Variants in CIITA observed in about 807,000 individuals in gnomAD.
CIITA encodes MHC class II transactivator.
In CIITA, 72 loss-of-function variants were observed where a neutral mutation model predicts 115.1. The observed-to-expected ratio is 0.63, with a 90% CI of 0.52 to 0.76. CIITA has a LOEUF of 0.76. Ranked by LOEUF, CIITA falls within the 30% of genes least tolerant of loss-of-function variation. The pLI, the probability that CIITA is intolerant of heterozygous loss-of-function variation, is 0.00. For synonymous variants in CIITA, 763 were observed against 635.6 expected (o/e 1.20, Z -3.02); for missense variants, 1,617 against 1,463.8 (o/e 1.10, Z -1.71).
At position 10,929,417 on chromosome 16, in the gene CIITA, G is replaced by T. The variant is rs754908130; in HGVS notation, c.*5562G>T. On this transcript the variant is annotated 3_prime_UTR_variant, in exon 20 of 20. Transcript: ENST00000324288. This position sits in a 1 kb window ranked among gnomAD's most constrained non-coding sequence, Gnocchi z 4.3. ...TCGATTTGACACTGCAGGCAGATGA[G>T]GTCTTGGGATGCCTCTTGCGTTCCC... 1.0e-6 allele frequency: 1 copy of T among 985,874 alleles called. No individual in the cohort carries two copies. The highest frequency in any genetic ancestry group is 4.7e-5 in the South Asian group (1 of 21,286). 61.1% of individuals were successfully genotyped at this position (985,874 alleles called of 1,614,324 possible). A position where few individuals can be genotyped will look rare whatever the true frequency, so the allele number is the denominator to read the frequency against.
downstream of CIITA, chr16:10,940,580 G>T (rs547858242): frequency 6.6e-6 from 1 of 152,394 alleles, no homozygotes; most frequent in Non-Finnish European, 1.5e-5. The surrounding 1 kb of genome is among the most constrained non-coding windows in gnomAD (Gnocchi z 4.2). Context: ...GAGCCAAGGC[G>T]TTCCTGCCTG....
Position 10,925,288 on chromosome 16 carries a change from T to C in CIITA, c.*1433T>C, listed in dbSNP as rs1393263127. The C allele has an allele frequency of 6.6e-6, 1 of 152,178 alleles. No individual in the cohort carries two copies. The highest frequency in any genetic ancestry group is 1.5e-5 in the Non-Finnish European group (1 of 68,044). The allele number at this position is 152,178 out of a possible 1,614,324, so 9.4% of individuals were successfully genotyped here. On this transcript the variant is annotated 3_prime_UTR_variant, in exon 20 of 20. Coordinates refer to ENST00000324288, the MANE Select transcript of CIITA (RefSeq NM_000246.4). Reference sequence around the variant, plus strand: ...ACTTTTCATAACCTAGCCTTAGAAGTCACACAGTATTACTTCTGCTACATA... The same window carrying C: ...ACTTTTCATAACCTAGCCTTAGAAGCCACACAGTATTACTTCTGCTACATA...
At chr16:10,873,745 C>A (rs538743970), upstream of CIITA, among the ~76,000 whole-genome samples, 277 of 152,280 alleles carry the variant, frequency 1.8e-3, 1 homozygote, top group African/African-American at 6.4e-3. Flanking sequence ...CCCAGCATGG[C>A]AACCTTAATG....
intron 1 of CIITA, among the ~76,000 whole-genome samples, chr16:10,894,235 C>T (rs758806551): frequency 2.0e-5 from 3 of 152,028 alleles, no homozygotes; most frequent in Admixed American, 1.3e-4. Context: ...CCTTTGTGTC[C>T]GGCTTCTTCA....
chr16:10,939,820 A>C (rs2041077088), downstream of CIITA: 1 of 152,346 alleles, frequency 6.6e-6, no homozygotes, highest in Non-Finnish European at 1.5e-5. The surrounding 1 kb of genome is among the most constrained non-coding windows in gnomAD (Gnocchi z 4.9). Flanking sequence ...TTCCGAAAAA[A>C]TCTGATTCTC....
At position 10,923,292 on chromosome 16, in the gene CIITA, A is replaced by G; in HGVS notation, c.3382A>G (p.Ser1128Gly). ...CCTGCAACAACAGGATTCACGGATC[A>G]GCCTGAGATGATCCCAGCTGTGCTC... Reference protein sequence around the residue: ...EHLQQQDSRISLR With the variant: ...EHLQQQDSRIGLR The change falls in exon 19 of 20, where the codon AGC becomes GGC. Residue 1128 changes from serine to glycine, a missense_variant. By Grantham distance (56) the Ser-to-Gly change is moderately conservative. Transcript: ENST00000324288. The surrounding 1 kb of genome is among the most constrained non-coding windows in gnomAD (Gnocchi z 5.2). 1.2e-6 allele frequency: 2 copies of G among 1,601,562 alleles called. No individual in the cohort carries two copies. The highest frequency in any genetic ancestry group is 1.7e-6 in the Non-Finnish European group (2 of 1,172,862).
Position 10,906,682 on chromosome 16 carries a change from T to C in CIITA, c.1190T>C (p.Leu397Pro), listed in dbSNP as rs766572360. Residue 397 changes from leucine to proline, a missense_variant, in exon 11 of 20, where the codon CTG becomes CCG. Transcript: ENST00000324288. Reference protein sequence around the residue: ...WAERQLAQGGLAEVLLAAKEH... With the variant: ...WAERQLAQGGPAEVLLAAKEH... ...GAACGGCAGCTGGCCCAAGGAGGCC[T>C]GGCTGAGGTGCTGTTGGCTGCCAAG... The C allele has an allele frequency of 1.7e-5, 28 of 1,613,054 alleles. No individual in the cohort carries two copies. The highest frequency in any genetic ancestry group is 2.3e-5 in the Non-Finnish European group (27 of 1,179,976).
intron 10 of CIITA, among the ~76,000 whole-genome samples, chr16:10,906,209 A>G (rs889571341): frequency 2.6e-5 from 4 of 151,810 alleles, no homozygotes; most frequent in African/African-American, 9.7e-5. Flanking sequence ...AAAATCAAAA[A>G]ATTATCTGGG....
chr16:10,908,434 A>G, intron 11 of CIITA: 1 of 554,398 alleles, frequency 1.8e-6, no homozygotes, highest in Non-Finnish European at 3.3e-6. Context: ...CCTGGGCTCA[A>G]ATTTGTTTTA....
Position 10,907,883 on chromosome 16 carries a change from G to A in CIITA, c.2391G>A (p.Gln797=), listed in dbSNP as rs573417446. 6.2e-7 allele frequency: 1 copy of A among 1,602,350 alleles called. No individual in the cohort carries two copies. The highest frequency in any genetic ancestry group is 2.2e-5 in the East Asian group (1 of 44,744). The stretch of plus-strand genomic sequence containing the variant: ...TTGCGAGGTACCTGAAGCGGCTGCA[G>A]CCGGGGACACTGCGGGCGCGGCAGC... The part of the protein sequence containing the change: ...KVLARYLKRL[Q]PGTLRARQLL... Residue 797 remains glutamine, a synonymous_variant, in exon 11 of 20, where the codon CAG becomes CAA. Coordinates refer to ENST00000324288, the MANE Select transcript of CIITA (RefSeq NM_000246.4). This position sits in a 1 kb window ranked among gnomAD's most constrained non-coding sequence, Gnocchi z 5.0.
intron 16 of CIITA, among the ~76,000 whole-genome samples, chr16:10,921,821 G>A (rs568100877): frequency 1.3e-5 from 2 of 152,322 alleles, no homozygotes; most frequent in South Asian, 4.1e-4. Context: ...ATCCCAGTAG[G>A]TGGTGACTCC....
Position 10,901,878 on chromosome 16 carries a change from G to A in CIITA, c.482-160G>A. On this transcript the variant is annotated intron_variant, in intron 6 of 19. Coordinates refer to ENST00000324288, the MANE Select transcript of CIITA (RefSeq NM_000246.4). The surrounding 1 kb of genome is among the most constrained non-coding windows in gnomAD (Gnocchi z 6.8). ...CAAGGAGAGGACTGGGGGACTGCCT[G>A]GCACAGAGCAGTTGCTGATCAACAC... 4 of 1,048,960 alleles carry A rather than the reference G, an allele frequency of 3.8e-6. No homozygotes were observed. Among genetic ancestry groups the A allele is most frequent in the Middle Eastern group, 3.0e-4 (1 of 3,282 alleles). 65.0% of individuals were successfully genotyped at this position (1,048,960 alleles called of 1,614,324 possible).
Position 10,933,828 on chromosome 16 carries a change from AC to A in CIITA, c.*9976del, listed in dbSNP as rs1003620265. On this transcript the variant is annotated 3_prime_UTR_variant, in exon 20 of 20. Coordinates refer to ENST00000324288, the MANE Select transcript of CIITA (RefSeq NM_000246.4). ...ATTAAAGTGGCTAAAGACAGACGTCACCCTCCCCTACTCACGCAGCCATTCT... is the reference window on the plus strand; with the variant it reads ...ATTAAAGTGGCTAAAGACAGACGTCACCTCCCCTACTCACGCAGCCATTCT... 7 of 152,080 alleles carry A rather than the reference AC, an allele frequency of 4.6e-5. No individual in the cohort carries two copies. Among genetic ancestry groups the A allele is most frequent in the Non-Finnish European group, 8.8e-5 (6 of 68,024 alleles). 9.4% of individuals were successfully genotyped at this position (152,080 alleles called of 1,614,324 possible). A position where few individuals can be genotyped will look rare whatever the true frequency, so the allele number is the denominator to read the frequency against.
intron 1 of CIITA, among the ~76,000 whole-genome samples, chr16:10,894,419 C>T (rs551394526): frequency 1.9e-4 from 29 of 152,182 alleles, no homozygotes; most frequent in African/African-American, 7.0e-4. Context: ...CTTCTGTGAA[C>T]ATTCGTGTAT....
At chr16:10,867,325 G>GGA (rs1026316781) in intron 1 of CIITA, among the ~76,000 whole-genome samples, 1 of 147,488 alleles carries the variant, frequency 6.8e-6, no homozygotes, top group Non-Finnish European at 1.5e-5. Context: ...GTGTGTGTTG[G>GGA]GGGGGGGCAT....
At chr16:10,874,064 C>A (rs1369239243), upstream of CIITA, among the ~76,000 whole-genome samples, 1 of 151,584 alleles carries the variant, frequency 6.6e-6, no homozygotes, top group Admixed American at 6.6e-5. Context: ...CACTTGCAAC[C>A]TCCACCTCCC....
In CIITA at chr16:10,906,929, G is replaced by A. The variant is rs779022639; in HGVS notation, c.1437G>A (p.Ala479=). The part of the protein sequence containing the change: ...LFSLGPQPLV[A]ADEVFSHILK... ...CCCTGGGCCCACAGCCACTCGTGGC[G>A]GCCGATGAGGTTTTCAGCCACATCT... The change falls in exon 11 of 20, where the codon GCG becomes GCA. Residue 479 remains alanine, a synonymous_variant. Coordinates refer to ENST00000324288, the MANE Select transcript of CIITA (RefSeq NM_000246.4). The A allele has an allele frequency of 3.9e-5, 63 of 1,613,198 alleles. No homozygotes were observed. The South Asian group carries it at 4.9e-4, about 13-fold the overall frequency.
chr16:10,902,568 G>T, intron 7 of CIITA, 90 bp from the exon 8 acceptor site: 1 of 1,541,986 alleles, frequency 6.5e-7, no homozygotes, highest in South Asian at 1.1e-5. Context: ...GGCCCTTTAG[G>T]GGGGTCAGAC....
chr16:10,922,617 C>T, intron 18 of CIITA, 127 bp downstream of exon 18: 3 of 899,116 alleles, frequency 3.3e-6, no homozygotes, highest in Non-Finnish European at 5.4e-6. Flanking sequence ...GCAGACACTT[C>T]CCCCTCTGGC....
Sources: gnomAD v4.1 joint callset for allele counts (sites outside exome capture counted in the v4.1 genomes callset) on GRCh38, gnomAD v4.1.1 for gene constraint, Gnocchi (gnomAD v3.1) non-coding constraint, MANE v1.5 for transcripts, NCBI Gene and HGNC (gene_info 2026-07-23, HGNC 2026-07-21) for gene names.